RTN1: variants seen among roughly 807,000 people sequenced by gnomAD.
The protein encoded by RTN1 is reticulon-1.
Under a neutral mutation model 65.5 loss-of-function variants are expected in RTN1, and 25 were observed. The observed-to-expected ratio is 0.38, with a 90% confidence interval of 0.28 to 0.53. The LOEUF is 0.53. Ranked by LOEUF, RTN1 falls within the 20% of genes least tolerant of loss-of-function variation. The probability of loss-of-function intolerance (pLI) is 0.79; values close to 1 mark genes in which losing one functional copy is unlikely to be tolerated. For synonymous variants in RTN1, 471 were observed against 447.6 expected, an observed-to-expected ratio of 1.05 and a Z score of -0.66; for missense variants, 983 against 1,025.4, an observed-to-expected ratio of 0.96 and a Z score of 0.57.
At position 59,870,473 on chromosome 14, in the gene RTN1, G is replaced by A; in HGVS notation, c.158C>T (p.Ala53Val). ...CCGCGACGCCGCTTCCCGGGCCCTG[G>A]CGCCCAACCCCGGGCTGGGCTCCCC... ...QAGEPSPGLG[A>V]RAREAASREA... The change falls in exon 1 of 9, where the codon GCC becomes GTC. Residue 53 changes from alanine (A) to valine (V), a missense_variant. Ala to Val is a moderately conservative substitution (Grantham distance 64, BLOSUM62 0). This residue lies in a region of RTN1 where 818 missense variants were observed against 801.8 expected (regional missense o/e 1.02). Coordinates refer to ENST00000267484, the MANE Select transcript of RTN1 (RefSeq NM_021136.3). This position sits in a 1 kb window ranked among gnomAD's most constrained non-coding sequence, Gnocchi z 5.1. 2.0e-6 allele frequency: 3 copies of A among 1,479,096 alleles called. No homozygotes were observed. Among genetic ancestry groups the A allele is most frequent in the Non-Finnish European group, 2.7e-6 (3 of 1,123,152 alleles). The allele number at this position is 1,479,096 out of a possible 1,614,324, so 91.6% of individuals were successfully genotyped here.
intron 3 of RTN1, among the ~76,000 whole-genome samples, chr14:59,634,725 G>T (rs1882627470): frequency 6.6e-6 from 1 of 152,156 alleles, no homozygotes; most frequent in African/African-American, 2.4e-5. Context: ...ACAGACCTAT[G>T]AGCAGGAAAG....
chr14:59,600,270 T>C (rs761350337), intron 8 of RTN1, among the ~76,000 whole-genome samples: 1 of 152,094 alleles, frequency 6.6e-6, no homozygotes, highest in Non-Finnish European at 1.5e-5. Context: ...CGGATGATGA[T>C]GATGATGATG....
At chr14:59,699,695 T>C (rs1057294379) in intron 3 of RTN1, among the ~76,000 whole-genome samples, 7 of 152,102 alleles carry the variant, frequency 4.6e-5, no homozygotes, top group Non-Finnish European at 1.0e-4. Flanking sequence ...CTTTCTTCCC[T>C]CATAAGAAAA....
chr14:59,681,039 T>C (rs1883735010), intron 3 of RTN1, among the ~76,000 whole-genome samples: 1 of 152,098 alleles, frequency 6.6e-6, no homozygotes, highest in Non-Finnish European at 1.5e-5. Context: ...TTACAGTTAT[T>C]TTGTCTTTTA....
At position 59,829,661 on chromosome 14, in the gene RTN1, G is replaced by A. The variant is rs1010047221; in HGVS notation, c.241+40729C>T. Among the ~76,000 whole-genome samples the A allele has an allele frequency of 7.9e-5, 12 of 152,214 alleles. No individual in the cohort carries two copies. Among genetic ancestry groups the A allele is most frequent in the East Asian group, 5.8e-4 (3 of 5,202 alleles). On this transcript the variant is annotated intron_variant, in intron 1 of 8. Coordinates refer to ENST00000267484, the MANE Select transcript of RTN1 (RefSeq NM_021136.3). This position sits in a 1 kb window ranked among gnomAD's most constrained non-coding sequence, Gnocchi z 4.3. ...CCCTGTCCAGGCAGGTTGGCTTGGG[G>A]ACTCTGCTCTCCACAGTCCTCACAC... is the stretch of plus-strand genomic sequence containing the variant.
rs138670381 is a variant in RTN1, at chr14:59,655,467, C to T, written c.1766-47975G>A. Among the ~76,000 whole-genome samples, 289 of 152,192 alleles carry T rather than the reference C, an allele frequency of 1.9e-3. 1 individual carries two copies. The highest frequency in any genetic ancestry group is 6.5e-3 in the African/African-American group (269 of 41,524). On this transcript the variant is annotated intron_variant, in intron 3 of 8. Transcript: ENST00000267484. ...TTGTGTTGTTTTCAGAAATTGACAA[C>T]GGGATCCTAAAATTCATGTAGAGAT...
At chr14:59,833,101 A>G (rs1361677646) in intron 1 of RTN1, among the ~76,000 whole-genome samples, 1 of 152,214 alleles carries the variant, frequency 6.6e-6, no homozygotes, top group Non-Finnish European at 1.5e-5. Context: ...AAATCAAGAA[A>G]GCACTCTAAA....
At chr14:59,653,361 T>A (rs1370909246) in intron 3 of RTN1, among the ~76,000 whole-genome samples, 1 of 148,964 alleles carries the variant, frequency 6.7e-6, no homozygotes, top group Non-Finnish European at 1.5e-5. Flanking sequence ...TAAACAAAGA[T>A]AATTCATTGC....
At chr14:59,644,347 G>A (rs915378733) in intron 3 of RTN1, among the ~76,000 whole-genome samples, 7 of 152,124 alleles carry the variant, frequency 4.6e-5, no homozygotes, top group Non-Finnish European at 8.8e-5. Flanking sequence ...CCTGGGAATC[G>A]GTGAGTGAGT....
intron 1 of RTN1, among the ~76,000 whole-genome samples, chr14:59,857,603 A>T (rs563081494): frequency 6.6e-6 from 1 of 151,642 alleles, no homozygotes; most frequent in Admixed American, 6.6e-5. Context: ...CTTCCCATGT[A>T]CCTCCCTCTT....
At chr14:59,717,461 C>T (rs1332843648) in intron 3 of RTN1, among the ~76,000 whole-genome samples, 2 of 152,226 alleles carry the variant, frequency 1.3e-5, no homozygotes, top group Non-Finnish European at 2.9e-5. Flanking sequence ...ACTCCTCTCC[C>T]TCTCCTGCTA....
chr14:59,713,790 C>G (rs1485623921), intron 3 of RTN1, among the ~76,000 whole-genome samples: 1 of 152,138 alleles, frequency 6.6e-6, no homozygotes, highest in Admixed American at 6.5e-5. Flanking sequence ...AGCAATAAAA[C>G]ATCTTGAAGA....
chr14:59,796,107 A>G (rs1886434285), intron 1 of RTN1, among the ~76,000 whole-genome samples: 1 of 152,200 alleles, frequency 6.6e-6, no homozygotes, highest in African/African-American at 2.4e-5. Context: ...CAGTGGTCCC[A>G]TAAGATTATA....
In RTN1 at chr14:59,794,203, T is replaced by C. The variant is rs1886400971; in HGVS notation, c.242-47722A>G. Among the ~76,000 whole-genome samples the C allele has an allele frequency of 6.6e-6, 1 of 152,190 alleles. No homozygotes were observed. The highest frequency in any genetic ancestry group is 2.4e-5 in the African/African-American group (1 of 41,452). ...GTAATGATTAATTCCGGTATAGACA[T>C]GTGACTTAAAATTGTTCCAGTTGAA... On this transcript the variant is annotated intron_variant, in intron 1 of 8. Transcript: ENST00000267484. This position sits in a 1 kb window ranked among gnomAD's most constrained non-coding sequence, Gnocchi z 5.1.
chr14:59,602,364 A>G (rs943113366), intron 8 of RTN1, among the ~76,000 whole-genome samples: 1 of 152,176 alleles, frequency 6.6e-6, no homozygotes, highest in Non-Finnish European at 1.5e-5. Context: ...ATAATGCAAT[A>G]TAAGAGCTAT....
intron 3 of RTN1, among the ~76,000 whole-genome samples, chr14:59,666,057 C>T (rs1479009150): frequency 6.6e-6 from 1 of 152,118 alleles, no homozygotes; most frequent in African/African-American, 2.4e-5. Flanking sequence ...ACAAGGATAT[C>T]CAGGACCTGA....
chr14:59,750,385 ATTATATCTATAATAT>A (rs1566713762), intron 1 of RTN1, among the ~76,000 whole-genome samples: 35 of 57,594 alleles, frequency 6.1e-4, no homozygotes, highest in Non-Finnish European at 8.8e-4. Flanking sequence ...TATATTATAT[ATTATATCTATAATAT>A]ATATATTATA....
At chr14:59,705,211 C>T (rs531580808) in intron 3 of RTN1, among the ~76,000 whole-genome samples, 8 of 152,150 alleles carry the variant, frequency 5.3e-5, no homozygotes, top group African/African-American at 9.7e-5. Flanking sequence ...GAAGTCTATG[C>T]GTACTTAGGA....
At position 59,790,795 on chromosome 14, in the gene RTN1, G is replaced by C. The variant is rs1294065341; in HGVS notation, c.242-44314C>G. On this transcript the variant is annotated intron_variant, in intron 1 of 8. Transcript: ENST00000267484. The surrounding 1 kb of genome is among the most constrained non-coding windows in gnomAD (Gnocchi z 4.1). The stretch of plus-strand genomic sequence containing the variant: ...TTTGGCTGTATCATCTTTGAGTTTT[G>C]TATCTATTGCCTTCTGATGTTTAAC... Among the ~76,000 whole-genome samples, 1 of 151,732 alleles carries C rather than the reference G, an allele frequency of 6.6e-6. No homozygotes were observed. The highest frequency in any genetic ancestry group is 2.4e-5 in the African/African-American group (1 of 41,298).
Sources: gnomAD v4.1 joint callset for allele counts (sites outside exome capture counted in the v4.1 genomes callset) on GRCh38, gnomAD v4.1.1 for gene constraint, gnomAD v4.1.1 regional missense constraint, Gnocchi (gnomAD v3.1) non-coding constraint, MANE v1.5 for transcripts, NCBI Gene and HGNC (gene_info 2026-07-23, HGNC 2026-07-21) for gene names.